Variants in ZBTB8A observed in about 807,000 individuals in gnomAD.
The protein encoded by ZBTB8A is zinc finger and BTB domain containing 8A.
ZBTB8A carries 19 observed loss-of-function variants against 37.8 expected under a neutral mutation model. The observed-to-expected ratio is 0.50, with a 90% CI of 0.35 to 0.74. The LOEUF (loss-of-function observed/expected upper bound fraction) is 0.74. Among genes scored for constraint, ZBTB8A ranks in the 30% least tolerant of loss-of-function variants. The pLI is 0.01. For missense variants in ZBTB8A, 394 were observed against 537.8 expected (o/e 0.73, Z 2.65); for synonymous variants, 181 against 185.2 (o/e 0.98, Z 0.19).
At chr1:32,572,701 A>C (rs553237946) in intron 2 of ZBTB8A, among the ~76,000 whole-genome samples, 1 of 152,158 alleles carries the variant, frequency 6.6e-6, no homozygotes, top group African/African-American at 2.4e-5. Flanking sequence ...CCGGCCTCTT[A>C]TACTAATTTT....
intron 2 of ZBTB8A, among the ~76,000 whole-genome samples, chr1:32,562,012 T>G (rs1644247024): frequency 6.6e-6 from 1 of 151,934 alleles, no homozygotes; most frequent in African/African-American, 2.4e-5. Flanking sequence ...TGCAGTGATG[T>G]GATCATGGCT....
intron 2 of ZBTB8A, among the ~76,000 whole-genome samples, chr1:32,557,636 AT>A (rs11292938): frequency 0.11 from 17,218 of 150,832 alleles, 1,075 homozygotes; most frequent in African/African-American, 0.18. Context: ...TAGTTTTTAT[AT>A]TTTTTTTTGT....
intron 2 of ZBTB8A, among the ~76,000 whole-genome samples, chr1:32,554,876 A>G (rs1644188441): frequency 6.6e-6 from 1 of 152,094 alleles, no homozygotes; most frequent in South Asian, 2.1e-4. Context: ...TTCTAACTTA[A>G]TCACATACTC....
rs562882956 is a variant in ZBTB8A, at chr1:32,561,330, C to T, written c.-2+7790C>T. On this transcript the variant is annotated intron_variant, in intron 2 of 4. Transcript: ENST00000373510. ...ATCTACCCTAGCATCACATCACCTACGAAGCAACGTACGTTGATTCTTCTC... is the reference window on the plus strand; with the variant it reads ...ATCTACCCTAGCATCACATCACCTATGAAGCAACGTACGTTGATTCTTCTC... 7.2e-5 allele frequency among the ~76,000 whole-genome samples: 11 copies of T among 152,220 alleles called. No individual in the cohort carries two copies. In the South Asian group the frequency reaches 1.2e-3, roughly 17 times the overall value.
intron 1 of ZBTB8A, among the ~76,000 whole-genome samples, chr1:32,545,422 T>C (rs1311066938): frequency 1.3e-5 from 2 of 152,212 alleles, no homozygotes; most frequent in African/African-American, 2.4e-5. Flanking sequence ...TTAATCCTCT[T>C]AACAGACTTC....
intron 2 of ZBTB8A, among the ~76,000 whole-genome samples, chr1:32,556,219 G>A (rs1644200956): frequency 1.3e-5 from 2 of 152,044 alleles, no homozygotes; most frequent in Admixed American, 6.6e-5. Context: ...GATTACAGGC[G>A]TGCGCCACTG....
At chr1:32,543,480 T>C (rs1328471026) in intron 1 of ZBTB8A, among the ~76,000 whole-genome samples, 1 of 152,100 alleles carries the variant, frequency 6.6e-6, no homozygotes, top group Admixed American at 6.6e-5. Context: ...ATCATGACCC[T>C]CTTAACTCCA....
chr1:32,547,828 C>CAAAAAAAAAAAA (rs1194254576), intron 1 of ZBTB8A, among the ~76,000 whole-genome samples: 5 of 30,480 alleles, frequency 1.6e-4, no homozygotes, highest in Non-Finnish European at 2.4e-4. Flanking sequence ...ACAAACAAAG[C>CAAAAAAAAAAAA]AAAAAAAAAA....
chr1:32,560,962 G>A (rs1314341352), intron 2 of ZBTB8A, among the ~76,000 whole-genome samples: 1 of 151,838 alleles, frequency 6.6e-6, no homozygotes, highest in Non-Finnish European at 1.5e-5. Flanking sequence ...ATTTTGTCTA[G>A]ATTACAACTG....
Position 32,570,604 on chromosome 1 carries a change from A to G in ZBTB8A, c.-2+17064A>G, listed in dbSNP as rs189164680. Among the ~76,000 whole-genome samples the G allele has an allele frequency of 3.2e-3, 495 of 152,312 alleles. 5 individuals are homozygous for G. The highest frequency in any genetic ancestry group is 0.011 in the African/African-American group (471 of 41,580). ...TCTCTCAAGTATTTTGTGGTTTTGA[A>G]TACATAGAGTTTGCAAATAATTTAG... On this transcript the variant is annotated intron_variant, in intron 2 of 4. Coordinates refer to ENST00000373510, the MANE Select transcript of ZBTB8A (RefSeq NM_001040441.3).
At chr1:32,552,979 A>G (rs1644169572) in intron 1 of ZBTB8A, among the ~76,000 whole-genome samples, 1 of 149,870 alleles carries the variant, frequency 6.7e-6, no homozygotes, top group Non-Finnish European at 1.5e-5. Flanking sequence ...TCTATTAACT[A>G]TTATTAACTA....
Position 32,601,418 on chromosome 1 carries a change from G to A in ZBTB8A, c.*999G>A, listed in dbSNP as rs1644575011. On this transcript the variant is annotated 3_prime_UTR_variant, in exon 5 of 5. Coordinates refer to ENST00000373510, the MANE Select transcript of ZBTB8A (RefSeq NM_001040441.3). ...GAACCTGGAAGGCAGAAGTTGCAGT[G>A]AGCCGAGATCACACCATTGCACTCC... 1 of 352,124 alleles carries A rather than the reference G, an allele frequency of 2.8e-6. No homozygotes were observed. Among genetic ancestry groups the A allele is most frequent in the Non-Finnish European group, 5.1e-6 (1 of 197,892 alleles). The allele number at this position is 352,124 out of a possible 1,614,324, so 21.8% of individuals were successfully genotyped here.
At chr1:32,589,566 T>C (rs1644473264) in intron 2 of ZBTB8A, among the ~76,000 whole-genome samples, 1 of 148,856 alleles carries the variant, frequency 6.7e-6, no homozygotes, top group South Asian at 2.1e-4. Context: ...GTTTGTTTGT[T>C]TGAGGTGCAG....
Position 32,605,177 on chromosome 1 carries a change from G to A in ZBTB8A, c.*4758G>A, listed in dbSNP as rs12136921. 13,757 of 145,338 alleles carry A rather than the reference G, an allele frequency of 0.095. 1,183 individuals are homozygous for A. The highest frequency in any genetic ancestry group is 0.23 in the African/African-American group (8,985 of 38,846). The allele number at this position is 145,338 out of a possible 1,614,324, so 9.0% of individuals were successfully genotyped here. ...AAAAAAAAAAAAAAAAAAAAGATGT[G>A]TTTAACTGGGAAGGGTGATAATAAT... On this transcript the variant is annotated 3_prime_UTR_variant, in exon 5 of 5. Coordinates refer to ENST00000373510, the MANE Select transcript of ZBTB8A (RefSeq NM_001040441.3).
intron 2 of ZBTB8A, among the ~76,000 whole-genome samples, chr1:32,567,879 C>T (rs1199501371): frequency 1.4e-5 from 2 of 147,088 alleles, no homozygotes; most frequent in African/African-American, 2.5e-5. Flanking sequence ...CAGTGGCTCA[C>T]GCCTGTAATC....
In ZBTB8A at chr1:32,600,229, T is replaced by C. The variant is rs142604487; in HGVS notation, c.1136T>C (p.Ile379Thr). The change falls in exon 5 of 5, where the codon ATT (isoleucine) becomes ACT (threonine). Residue 379 changes from isoleucine (I) to threonine (T), a missense_variant. Around this residue, in one of 4 missense-constraint regions of ZBTB8A, gnomAD observed 85 missense variants for 89.0 expected, o/e 0.95. Coordinates refer to ENST00000373510, the MANE Select transcript of ZBTB8A (RefSeq NM_001040441.3). ...GAATTTGGCATAGACAGCCTCCCCA[T>C]TGACTTGGAAGCTGAACAACATCTT... ...LAEFGIDSLP[I>T]DLEAEQHLMS... is the part of the protein sequence containing the mutation. 8,246 of 1,614,096 alleles carry C rather than the reference T, an allele frequency of 5.1e-3. 28 individuals carry two copies. Among genetic ancestry groups the C allele is most frequent in the Non-Finnish European group, 6.4e-3 (7,575 of 1,179,990 alleles).
In ZBTB8A at chr1:32,600,380, A is replaced by G. The variant is rs1181561002; in HGVS notation, c.1287A>G (p.Glu429=). The change falls in exon 5 of 5, where the codon GAA becomes GAG. Residue 429 remains glutamate, a synonymous_variant. Transcript: ENST00000373510. ...TCATCCAACAGGTTGATGATAGTGA[A>G]GAAGAAGAAGAAAAAGAAATTAAGC... ...DLVIQQVDDS[E]EEEEKEIKPN... 1.2e-6 allele frequency: 2 copies of G among 1,607,406 alleles called. No homozygotes were observed. The highest frequency in any genetic ancestry group is 4.5e-5 in the East Asian group (2 of 44,754).
intron 2 of ZBTB8A, among the ~76,000 whole-genome samples, chr1:32,576,102 G>A (rs898831507): frequency 1.3e-5 from 2 of 152,054 alleles, no homozygotes; most frequent in Non-Finnish European, 1.5e-5. Flanking sequence ...TTGTAAATAA[G>A]GTTTTATGGG....
At chr1:32,587,793 G>A (rs1388481524) in intron 2 of ZBTB8A, among the ~76,000 whole-genome samples, 2 of 152,002 alleles carry the variant, frequency 1.3e-5, no homozygotes, top group East Asian at 1.9e-4. Flanking sequence ...GTAGCTTCAG[G>A]TTTGGGGCTG....
Sources: allele counts gnomAD v4.1 joint callset (sites outside exome capture counted in the v4.1 genomes callset), GRCh38; gene constraint gnomAD v4.1.1; regional missense constraint gnomAD v4.1.1; transcripts MANE v1.5; gene names NCBI Gene and HGNC (gene_info 2026-07-23, HGNC 2026-07-21).